LPP: variants seen among roughly 807,000 people sequenced by gnomAD.
LPP encodes the protein lipoma-preferred partner.
A neutral mutation model predicts 60.4 loss-of-function variants in LPP; 38 were observed. The observed-to-expected ratio is 0.63, with a 90% CI of 0.49 to 0.83. LPP has a LOEUF of 0.83. Among genes scored for constraint, LPP ranks in the 40% least tolerant of loss-of-function variants. The pLI is 0.00. For missense variants in LPP, 902 were observed against 783.6 expected (o/e 1.15, Z -1.80); for synonymous variants, 328 against 290.8 (o/e 1.13, Z -1.30).
chr3:188,645,248 C>CTT (rs796743259), intron 7 of LPP, among the ~76,000 whole-genome samples: 1 of 143,802 alleles, frequency 7.0e-6, no homozygotes. Flanking sequence ...AGTTCTAGAA[C>CTT]TTTTTTTTTT....
intron 5 of LPP, among the ~76,000 whole-genome samples, chr3:188,510,201 G>GA (rs1395234726): frequency 1.3e-5 from 2 of 152,170 alleles, no homozygotes; most frequent in Admixed American, 1.3e-4. Context: ...AGTGAAGCTT[G>GA]AGACGACATT....
chr3:188,249,899 A>AT (rs770671701), intron 2 of LPP, among the ~76,000 whole-genome samples: 34 of 120,412 alleles, frequency 2.8e-4, no homozygotes, highest in African/African-American at 1.3e-3. Context: ...ATATATATAT[A>AT]TATTTTTTTT....
chr3:188,786,133 A>C (rs1741778902), intron 9 of LPP, among the ~76,000 whole-genome samples: 1 of 152,014 alleles, frequency 6.6e-6, no homozygotes, highest in African/African-American at 2.4e-5. Flanking sequence ...TAATCCTAGC[A>C]CTTTGGGAGG....
rs150656498 is a variant in LPP, at chr3:188,741,245, G to C, written c.1241-18868G>C. Among the ~76,000 whole-genome samples the C allele has an allele frequency of 6.6e-3, 990 of 150,992 alleles. 13 individuals carry two copies. The highest frequency in any genetic ancestry group is 0.022 in the African/African-American group (897 of 41,236). ...GAGGTTCAAAGTTTCCTTTGAATTG[G>C]GGGGGGAAGGGAGATTCTGTAATTT... On this transcript the variant is annotated intron_variant, in intron 8 of 11. Transcript: ENST00000617246.
At chr3:188,742,860 G>C (rs1480512134) in intron 8 of LPP, among the ~76,000 whole-genome samples, 2 of 152,126 alleles carry the variant, frequency 1.3e-5, no homozygotes, top group African/African-American at 4.8e-5. Flanking sequence ...ACAAGAAAAA[G>C]TGTTTTTCAC....
intron 3 of LPP, among the ~76,000 whole-genome samples, chr3:188,378,543 T>G (rs116441463): frequency 0.011 from 1,701 of 152,320 alleles, 28 homozygotes; most frequent in African/African-American, 0.037. Context: ...TGATGTGCCA[T>G]TTTTAAAGCC....
chr3:188,187,347 A>G (rs1726901536), intron 1 of LPP, among the ~76,000 whole-genome samples: 1 of 152,096 alleles, frequency 6.6e-6, no homozygotes, highest in African/African-American at 2.4e-5. Flanking sequence ...CTTATAGGAG[A>G]CTGAACTTTC....
At chr3:188,600,080 C>T (rs1840818355) in intron 6 of LPP, among the ~76,000 whole-genome samples, 1 of 151,384 alleles carries the variant, frequency 6.6e-6, no homozygotes, top group African/African-American at 2.4e-5. Context: ...TACATTGAAA[C>T]CATTTTTAAT....
chr3:188,371,637 ATATATTTTTTTTTTTTTTTT>A (rs1160037989), intron 3 of LPP, among the ~76,000 whole-genome samples: 4 of 29,544 alleles, frequency 1.4e-4, no homozygotes, highest in African/African-American at 3.4e-4. Flanking sequence ...ATATATATAT[ATATATTTTTTTTTTTTTTTT>A]TTTTTTTTTT....
At chr3:188,489,492 A>G (rs1807673529) in intron 5 of LPP, among the ~76,000 whole-genome samples, 8 of 152,212 alleles carry the variant, frequency 5.3e-5, no homozygotes, top group Admixed American at 5.2e-4. Flanking sequence ...ACACAGAGGA[A>G]GGAGAGCTCA....
Position 188,382,201 on chromosome 3 carries a change from A to C in LPP, c.-9-23911A>C, listed in dbSNP as rs144032777. ...GCTCCCTTTTAATCTTTCCTAATGC[A>C]GGCCATAGACATTGGTCTCAGAATT... is the stretch of plus-strand genomic sequence containing the variant. On this transcript the variant is annotated intron_variant, in intron 3 of 11. Coordinates refer to ENST00000617246, the MANE Select transcript of LPP (RefSeq NM_001375462.1). Among the ~76,000 whole-genome samples the C allele has an allele frequency of 7.6e-4, 116 of 152,280 alleles. 1 individual carries two copies. Among genetic ancestry groups the C allele is most frequent in the Middle Eastern group, 3.4e-3 (1 of 294 alleles).
At chr3:188,733,381 A>G (rs1366029899) in intron 8 of LPP, among the ~76,000 whole-genome samples, 1 of 152,112 alleles carries the variant, frequency 6.6e-6, no homozygotes, top group Non-Finnish European at 1.5e-5. Flanking sequence ...GCCTCTGTAG[A>G]AAACAGAAGA....
chr3:188,351,656 G>A (rs771166116), intron 3 of LPP, among the ~76,000 whole-genome samples: 2 of 152,208 alleles, frequency 1.3e-5, no homozygotes, highest in African/African-American at 2.4e-5. Flanking sequence ...GAGGGAGACA[G>A]ATTGTTTCTA....
At chr3:188,839,170 A>G (rs1218327835) in intron 9 of LPP, among the ~76,000 whole-genome samples, 1 of 152,204 alleles carries the variant, frequency 6.6e-6, no homozygotes, top group African/African-American at 2.4e-5. Flanking sequence ...CCCTGACTGC[A>G]CCTACAAGTA....
At chr3:188,296,584 C>T (rs1747971830) in intron 2 of LPP, among the ~76,000 whole-genome samples, 1 of 152,200 alleles carries the variant, frequency 6.6e-6, no homozygotes, top group South Asian at 2.1e-4. Flanking sequence ...GCTGTTCTCT[C>T]TCTCATTCTC....
At chr3:188,729,699 A>G (rs1188794444) in intron 8 of LPP, among the ~76,000 whole-genome samples, 1 of 152,154 alleles carries the variant, frequency 6.6e-6, no homozygotes, top group Non-Finnish European at 1.5e-5. Context: ...CTATGTGGCC[A>G]GGCACAGTGG....
chr3:188,341,763 G>T, intron 3 of LPP, 44 bp downstream of exon 3: 1 of 718,260 alleles, frequency 1.4e-6, no homozygotes, highest in Non-Finnish European at 1.7e-6. Context: ...ATACTAATAG[G>T]CATCTGAGCC....
At chr3:188,825,608 C>T (rs1171966665) in intron 9 of LPP, among the ~76,000 whole-genome samples, 1 of 151,882 alleles carries the variant, frequency 6.6e-6, no homozygotes, top group Admixed American at 6.6e-5. Context: ...TATGTCTCTG[C>T]TCTTGAAGAT....
chr3:188,790,990 C>A (rs1743549259), intron 9 of LPP, among the ~76,000 whole-genome samples: 1 of 151,606 alleles, frequency 6.6e-6, no homozygotes, highest in African/African-American at 2.4e-5. Context: ...TATGTGACTT[C>A]AAAAGTCAAA....
Sources: allele counts gnomAD v4.1 joint callset (sites outside exome capture counted in the v4.1 genomes callset), GRCh38; gene constraint gnomAD v4.1.1; transcripts MANE v1.5; gene names NCBI Gene and HGNC (gene_info 2026-07-23, HGNC 2026-07-21).